The following CERKL variants were observed in gnomAD, a reference collection of about 807,000 sequenced individuals.
CERKL encodes ceramide kinase-like protein.
A neutral mutation model predicts 63.4 loss-of-function variants in CERKL; 61 were observed. The observed-to-expected ratio is 0.96, with a 90% CI of 0.78 to 1.19. The LOEUF (loss-of-function observed/expected upper bound fraction) is 1.19. Among genes scored for constraint, CERKL ranks in the 50% most tolerant of loss-of-function variants. The pLI is 0.00. For missense variants in CERKL, 675 were observed against 655.5 expected, an observed-to-expected ratio of 1.03 and a Z score of -0.33; for synonymous variants, 250 against 230.5, an observed-to-expected ratio of 1.08 and a Z score of -0.77.
chr2:181,625,524 G>C (rs1267112603), intron 1 of CERKL, among the ~76,000 whole-genome samples: 7 of 152,302 alleles, frequency 4.6e-5, no homozygotes, highest in Admixed American at 1.3e-4. Context: ...GAATTTGATA[G>C]CAAGTATACC....
chr2:181,606,118 G>C (rs1685667218), intron 1 of CERKL, among the ~76,000 whole-genome samples: 1 of 149,774 alleles, frequency 6.7e-6, no homozygotes, highest in Admixed American at 6.7e-5. Context: ...GAAAGGAAAG[G>C]CAAGACAGAG....
intron 2 of CERKL, among the ~76,000 whole-genome samples, chr2:181,583,272 T>A (rs1424890863): frequency 6.6e-6 from 1 of 152,128 alleles, no homozygotes; most frequent in Non-Finnish European, 1.5e-5. Context: ...GAAATATTTA[T>A]TGAAAACTAG....
At chr2:181,624,025 C>G (rs978386706) in intron 1 of CERKL, among the ~76,000 whole-genome samples, 2 of 152,088 alleles carry the variant, frequency 1.3e-5, no homozygotes, top group Non-Finnish European at 2.9e-5. Context: ...GAACAGTAAG[C>G]ATCAAGGTCC....
At chr2:181,597,931 C>G (rs1184048798) in intron 2 of CERKL, among the ~76,000 whole-genome samples, 3 of 152,144 alleles carry the variant, frequency 2.0e-5, no homozygotes, top group African/African-American at 7.2e-5. Context: ...GCCAAAACCC[C>G]TTTGGGACAA....
intron 2 of CERKL, among the ~76,000 whole-genome samples, chr2:181,597,096 C>G (rs1265931568): frequency 6.6e-6 from 1 of 152,130 alleles, no homozygotes; most frequent in South Asian, 2.1e-4. Context: ...CAGACTCCTA[C>G]AGTGAATTTT....
Position 181,537,422 on chromosome 2 carries a change from CTTACTTTG to C in CERKL, c.*754_*761del, listed in dbSNP as rs1687195093. 1 of 453,904 alleles carries C rather than the reference CTTACTTTG, an allele frequency of 2.2e-6. No individual in the cohort carries two copies. Among genetic ancestry groups the C allele is most frequent in the Non-Finnish European group, 4.4e-6 (1 of 226,732 alleles). 28.1% of individuals were successfully genotyped at this position (453,904 alleles called of 1,614,324 possible). On this transcript the variant is annotated 3_prime_UTR_variant, in exon 13 of 13. Coordinates refer to ENST00000410087, the MANE Select transcript of CERKL (RefSeq NM_201548.5). ...AGTTCAAAATAGTATTTGTTATCAA[CTTACTTTG>C]TTACTTGTATCATGAATTTTAAAAC...
chr2:181,562,014 A>C (rs746149161), intron 4 of CERKL, among the ~76,000 whole-genome samples: 4 of 152,028 alleles, frequency 2.6e-5, no homozygotes, highest in Non-Finnish European at 5.9e-5. Flanking sequence ...GGGTTTTGCC[A>C]TGTTGGCCAG....
intron 10 of CERKL, among the ~76,000 whole-genome samples, chr2:181,545,545 T>C (rs191461508): frequency 4.6e-5 from 7 of 152,084 alleles, no homozygotes; most frequent in South Asian, 2.1e-4. Flanking sequence ...AAAGAGCTCT[T>C]AGTATCTTAT....
chr2:181,657,080 C>T lies in CERKL; in HGVS notation c.-74G>A. 7.4e-7 allele frequency: 1 copy of T among 1,352,940 alleles called. No homozygotes were observed. Among genetic ancestry groups the T allele is most frequent in the South Asian group, 1.2e-5 (1 of 80,116 alleles). 83.8% of individuals were successfully genotyped at this position (1,352,940 alleles called of 1,614,324 possible). A position where few individuals can be genotyped will look rare whatever the true frequency, so the allele number is the denominator to read the frequency against. The stretch of plus-strand genomic sequence containing the variant: ...GAGAAGGAGGTGGAGGGCGCGGCAG[C>T]CCCAGCTCTAGCCGCGTCCAGCGCT... On this transcript the variant is annotated 5_prime_UTR_variant, in exon 1 of 13. Transcript: ENST00000410087.
At chr2:181,638,530 T>C (rs1427005441) in intron 1 of CERKL, among the ~76,000 whole-genome samples, 1 of 152,150 alleles carries the variant, frequency 6.6e-6, no homozygotes, top group Non-Finnish European at 1.5e-5. Context: ...ATTTAATAGG[T>C]TTAAATCCTT....
chr2:181,604,065 C>G lies in CERKL; in HGVS notation c.253G>C (p.Asp85His). The change falls in exon 2 of 13, where the codon GAC (aspartate) becomes CAC (histidine). Residue 85 changes from aspartate to histidine, a missense_variant. Physicochemically the swap from Asp to His is moderately conservative, Grantham distance 81. Transcript: ENST00000410087. ...ATAAATTCTTCTTTACATAGCAAGT[C>G]ATACTTAGAATCACCTGAAAAAAAA... ...PERPAGDSKY[D>H]LLCKEEFIEL... is the part of the protein sequence containing the mutation. 6.3e-7 allele frequency: 1 copy of G among 1,596,754 alleles called. No individual in the cohort carries two copies.
At chr2:181,566,233 A>G (rs1688662658) in intron 3 of CERKL, 112 bp from the exon 4 acceptor site, 2 of 794,656 alleles carry the variant, frequency 2.5e-6, no homozygotes, top group East Asian at 2.6e-5. Context: ...GTCATAAAAC[A>G]GCATTTATTC....
chr2:181,624,201 CAGA>C (rs1686580764), intron 1 of CERKL, among the ~76,000 whole-genome samples: 1 of 151,978 alleles, frequency 6.6e-6, no homozygotes, highest in South Asian at 2.1e-4. Flanking sequence ...GCTGAACATG[CAGA>C]AGAACGATGT....
At chr2:181,624,214 T>C (rs1686581318) in intron 1 of CERKL, among the ~76,000 whole-genome samples, 1 of 152,110 alleles carries the variant, frequency 6.6e-6, no homozygotes, top group Non-Finnish European at 1.5e-5. Flanking sequence ...AAGAACGATG[T>C]GCTCTAATGT....
At chr2:181,637,481 T>A (rs527308874) in intron 1 of CERKL, among the ~76,000 whole-genome samples, 3 of 152,188 alleles carry the variant, frequency 2.0e-5, no homozygotes, top group Admixed American at 1.3e-4. Context: ...TATTGCTAAG[T>A]AAGAAAGAAA....
At chr2:181,606,002 C>G (rs894884115) in intron 1 of CERKL, among the ~76,000 whole-genome samples, 1 of 141,782 alleles carries the variant, frequency 7.1e-6, no homozygotes, top group Non-Finnish European at 1.5e-5. Context: ...ATACATACCA[C>G]TAAAAAAAAG....
intron 2 of CERKL, among the ~76,000 whole-genome samples, chr2:181,578,598 T>C (rs1185855761): frequency 6.6e-6 from 1 of 151,996 alleles, no homozygotes; most frequent in African/African-American, 2.4e-5. Flanking sequence ...ATGTTTGTCC[T>C]TGTCTAGGAA....
chr2:181,583,785 C>T (rs1333112789), intron 2 of CERKL, among the ~76,000 whole-genome samples: 2 of 152,138 alleles, frequency 1.3e-5, no homozygotes, highest in Non-Finnish European at 2.9e-5. Context: ...TACGAAAAAA[C>T]ATGTTGTAAT....
At chr2:181,581,520 T>C (rs372968058) in intron 2 of CERKL, among the ~76,000 whole-genome samples, 1 of 152,210 alleles carries the variant, frequency 6.6e-6, no homozygotes, top group Non-Finnish European at 1.5e-5. Flanking sequence ...CTTATTTTGA[T>C]GTGAATGAGT....
Sources: allele counts gnomAD v4.1 joint callset (sites outside exome capture counted in the v4.1 genomes callset), GRCh38; gene constraint gnomAD v4.1.1; transcripts MANE v1.5; gene names NCBI Gene and HGNC (gene_info 2026-07-23, HGNC 2026-07-21).